INPP4B: variants seen among roughly 807,000 people sequenced by gnomAD.
The protein encoded by INPP4B is inositol polyphosphate-4-phosphatase type II B, also known as inositol polyphosphate 4-phosphatase type II.
INPP4B carries 55 observed loss-of-function variants against 122.5 expected under a neutral mutation model. The ratio of observed to expected loss-of-function variants is 0.45; its 90% CI spans 0.36 to 0.56. The LOEUF (loss-of-function observed/expected upper bound fraction) is 0.56. Among genes scored for constraint, INPP4B ranks in the 20% least tolerant of loss-of-function variants. INPP4B has a pLI of 0.00. For synonymous variants in INPP4B, 403 were observed against 388.7 expected (o/e 1.04, Z -0.43); for missense variants, 1,000 against 1,097.7 (o/e 0.91, Z 1.26).
chr4:142,309,407 T>C (rs1764599081), intron 8 of INPP4B, among the ~76,000 whole-genome samples: 1 of 152,188 alleles, frequency 6.6e-6, no homozygotes, highest in African/African-American at 2.4e-5. Context: ...TTATGAATAT[T>C]ATTGTTGAGA....
chr4:142,740,953 A>G (rs930599918), intron 1 of INPP4B, among the ~76,000 whole-genome samples: 24 of 152,056 alleles, frequency 1.6e-4, no homozygotes, highest in African/African-American at 4.8e-4. Context: ...AAATAAACCA[A>G]TAATAAGTTC....
chr4:142,503,139 C>T (rs1479065505), intron 2 of INPP4B, among the ~76,000 whole-genome samples: 1 of 152,038 alleles, frequency 6.6e-6, no homozygotes, highest in East Asian at 1.9e-4. Context: ...GAGTGTCATT[C>T]ATGTACTGTG....
At chr4:142,694,078 A>T (rs75509677) in intron 2 of INPP4B, among the ~76,000 whole-genome samples, 3,863 of 152,224 alleles carry the variant, frequency 0.025, 62 homozygotes, top group Middle Eastern at 0.092. Flanking sequence ...AAAATTTTTT[A>T]AAAAAGAAAG....
intron 1 of INPP4B, among the ~76,000 whole-genome samples, chr4:142,762,226 T>C (rs897723137): frequency 2.0e-5 from 3 of 152,080 alleles, no homozygotes; most frequent in Non-Finnish European, 4.4e-5. Context: ...TCTTAGAGCC[T>C]TCAGGGCTCA....
At chr4:142,440,659 C>T (rs908268772) in intron 3 of INPP4B, among the ~76,000 whole-genome samples, 24 of 152,130 alleles carry the variant, frequency 1.6e-4, no homozygotes, top group African/African-American at 5.6e-4. Context: ...CTTGCCTTCA[C>T]TTTTTCTCTC....
intron 1 of INPP4B, among the ~76,000 whole-genome samples, chr4:142,845,764 G>C (rs1784112935): frequency 6.6e-6 from 1 of 151,990 alleles, no homozygotes; most frequent in Admixed American, 6.5e-5. Flanking sequence ...GGCAGCTTGC[G>C]ATCATCAGGA....
intron 7 of INPP4B, among the ~76,000 whole-genome samples, chr4:142,370,575 GAACT>G (rs1300107254): frequency 5.3e-5 from 8 of 151,866 alleles, no homozygotes; most frequent in Admixed American, 4.6e-4. Flanking sequence ...AAAAATCTTA[GAACT>G]AATAAATGAA....
At chr4:142,693,936 CTTCT>C (rs1760613340) in intron 2 of INPP4B, among the ~76,000 whole-genome samples, 1 of 92,988 alleles carries the variant, frequency 1.1e-5, no homozygotes, top group Admixed American at 1.3e-4. Context: ...ATAAGATCTG[CTTCT>C]CTCTATGTGT....
At chr4:142,510,217 T>C (rs1318999462) in intron 2 of INPP4B, among the ~76,000 whole-genome samples, 1 of 152,198 alleles carries the variant, frequency 6.6e-6, no homozygotes. Flanking sequence ...TTCATATCAG[T>C]TCATTTACTT....
In INPP4B at chr4:142,090,982, G is replaced by C. The variant is rs147264291; in HGVS notation, c.2375-4726C>G. 4.4e-3 allele frequency among the ~76,000 whole-genome samples: 673 copies of C among 152,146 alleles called. 7 individuals are homozygous for C. The highest frequency in any genetic ancestry group is 0.038 in the South Asian group (185 of 4,814). On this transcript the variant is annotated intron_variant, in intron 23 of 25. Coordinates refer to ENST00000262992, the MANE Select transcript of INPP4B (RefSeq NM_001101669.3). ...AACAACAGCAATAATATAGTCAAATGTGCAAAACTGTACCATATTTTTATG... is the reference window on the plus strand; with the variant it reads ...AACAACAGCAATAATATAGTCAAATCTGCAAAACTGTACCATATTTTTATG...
At chr4:142,412,135 A>G (rs945685165) in intron 5 of INPP4B, among the ~76,000 whole-genome samples, 2 of 152,052 alleles carry the variant, frequency 1.3e-5, no homozygotes, top group Non-Finnish European at 2.9e-5. Flanking sequence ...TGATAAGCCA[A>G]TTTAGGTTAT....
rs746458782 is a variant in INPP4B, at chr4:142,305,566, T to G, written c.424-29A>C. Reference sequence around the variant, plus strand: ...AAAATAACAGAAAGAATGGTTTCATTAACTTGAGGTTCTTTAATATTTTTG... The same window carrying G: ...AAAATAACAGAAAGAATGGTTTCATGAACTTGAGGTTCTTTAATATTTTTG... On this transcript the variant is annotated intron_variant, in intron 8 of 25. Transcript: ENST00000262992. 2.0e-5 allele frequency: 31 copies of G among 1,589,142 alleles called. No individual in the cohort carries two copies. The South Asian group carries it at 3.5e-4, about 18-fold the overall frequency.
At chr4:142,345,219 A>G (rs1359630823) in intron 7 of INPP4B, among the ~76,000 whole-genome samples, 1 of 152,046 alleles carries the variant, frequency 6.6e-6, no homozygotes, top group African/African-American at 2.4e-5. Flanking sequence ...ATTCTTTAGT[A>G]AATAAAAGAC....
intron 1 of INPP4B, among the ~76,000 whole-genome samples, chr4:142,810,243 G>T (rs907254968): frequency 6.6e-6 from 1 of 151,412 alleles, no homozygotes; most frequent in Non-Finnish European, 1.5e-5. Flanking sequence ...CAATTAAAAT[G>T]GTTAGAAGTG....
intron 7 of INPP4B, among the ~76,000 whole-genome samples, chr4:142,343,634 T>C (rs1465966728): frequency 2.0e-5 from 3 of 152,072 alleles, no homozygotes; most frequent in African/African-American, 7.2e-5. Context: ...TAATGACCAA[T>C]AGCTCAAAAT....
At chr4:142,734,255 G>A (rs1766500636) in intron 1 of INPP4B, among the ~76,000 whole-genome samples, 1 of 152,142 alleles carries the variant, frequency 6.6e-6, no homozygotes, top group Non-Finnish European at 1.5e-5. Context: ...GGAGGCCTTG[G>A]GAGAAATTAA....
At chr4:142,486,253 CAA>C (rs1821180253) in intron 2 of INPP4B, among the ~76,000 whole-genome samples, 1 of 152,138 alleles carries the variant, frequency 6.6e-6, no homozygotes, top group South Asian at 2.1e-4. Context: ...CTCCCACTAG[CAA>C]AGTATAAGAA....
At chr4:142,773,424 G>A (rs1238713045) in intron 1 of INPP4B, among the ~76,000 whole-genome samples, 5 of 152,010 alleles carry the variant, frequency 3.3e-5, no homozygotes, top group Non-Finnish European at 5.9e-5. Flanking sequence ...CTGTCTAATG[G>A]AATATACTGT....
chr4:142,105,386 T>C (rs1786509445), intron 23 of INPP4B, among the ~76,000 whole-genome samples: 1 of 152,194 alleles, frequency 6.6e-6, no homozygotes, highest in Non-Finnish European at 1.5e-5. Context: ...AAACTGGTAG[T>C]AGTTACTGAA....
Sources: gnomAD v4.1 joint callset for allele counts (sites outside exome capture counted in the v4.1 genomes callset) on GRCh38, gnomAD v4.1.1 for gene constraint, MANE v1.5 for transcripts, NCBI Gene and HGNC (gene_info 2026-07-23, HGNC 2026-07-21) for gene names.